Variants in ADGRL3 observed in about 807,000 individuals in gnomAD.
ADGRL3 encodes the protein calcium-independent alpha-latrotoxin receptor 3.
Under a neutral mutation model 153.5 loss-of-function variants are expected in ADGRL3, and 62 were observed. The ratio of observed to expected loss-of-function variants is 0.40; its 90% CI spans 0.33 to 0.50. ADGRL3 has a LOEUF of 0.50. Ranked by LOEUF, ADGRL3 falls within the 20% of genes least tolerant of loss-of-function variation. ADGRL3 has a pLI of 0.47. For missense variants in ADGRL3, 1,641 were observed against 1,859.4 expected, an observed-to-expected ratio of 0.88 and a Z score of 2.16; for synonymous variants, 710 against 672.5, an observed-to-expected ratio of 1.06 and a Z score of -0.86.
intron 9 of ADGRL3, among the ~76,000 whole-genome samples, chr4:61,859,067 T>G (rs1341675382): frequency 1.3e-5 from 2 of 152,196 alleles, no homozygotes; most frequent in Non-Finnish European, 2.9e-5. Flanking sequence ...TACATTAACT[T>G]TATAAAATAT....
intron 17 of ADGRL3, among the ~76,000 whole-genome samples, chr4:61,959,519 T>A (rs2098980085): frequency 6.6e-6 from 1 of 152,138 alleles, no homozygotes; most frequent in African/African-American, 2.4e-5. Context: ...TATTTGTTGT[T>A]TAAAGCCATT....
chr4:61,394,640 G>A (rs1476863773), intron 2 of ADGRL3, among the ~76,000 whole-genome samples: 2 of 151,846 alleles, frequency 1.3e-5, no homozygotes, highest in Non-Finnish European at 2.9e-5. Flanking sequence ...GTTTTCCCTT[G>A]ATTTCTAAAA....
intron 2 of ADGRL3, among the ~76,000 whole-genome samples, chr4:61,432,000 G>A (rs555584393): frequency 6.6e-6 from 1 of 152,208 alleles, no homozygotes; most frequent in Non-Finnish European, 1.5e-5. Context: ...ACCATTTGTA[G>A]TATTTATATT....
At chr4:61,507,434 G>A (rs929431637) in intron 3 of ADGRL3, among the ~76,000 whole-genome samples, 1 of 152,150 alleles carries the variant, frequency 6.6e-6, no homozygotes, top group East Asian at 1.9e-4. Flanking sequence ...AAAAGTAGGT[G>A]TCCAATAATA....
intron 4 of ADGRL3, among the ~76,000 whole-genome samples, chr4:61,568,949 G>T (rs2149097400): frequency 6.6e-6 from 1 of 152,230 alleles, no homozygotes; most frequent in East Asian, 1.9e-4. Flanking sequence ...GTTGCATAAT[G>T]AAGTCAGTTT....
chr4:61,516,063 A>G (rs1364331883), intron 3 of ADGRL3, among the ~76,000 whole-genome samples: 1 of 152,168 alleles, frequency 6.6e-6, no homozygotes, highest in Non-Finnish European at 1.5e-5. Context: ...TTTCGGGGCA[A>G]TGTCTCAGAC....
intron 4 of ADGRL3, among the ~76,000 whole-genome samples, chr4:61,576,756 G>C (rs970980082): frequency 1.1e-4 from 17 of 151,364 alleles, no homozygotes; most frequent in African/African-American, 4.1e-4. Flanking sequence ...TCAACTTCTA[G>C]TTGCTACAAA....
chr4:61,222,189 A>T (rs558944055), intron 1 of ADGRL3, among the ~76,000 whole-genome samples: 1 of 152,268 alleles, frequency 6.6e-6, no homozygotes, highest in Admixed American at 6.5e-5. Flanking sequence ...TCCAAATAGA[A>T]CACTGTGGTC....
chr4:61,255,047 C>T (rs1009344646), intron 1 of ADGRL3, among the ~76,000 whole-genome samples: 7 of 152,038 alleles, frequency 4.6e-5, no homozygotes, highest in African/African-American at 1.4e-4. Context: ...CAAACTAACT[C>T]AAATTGCAGC....
intron 5 of ADGRL3, among the ~76,000 whole-genome samples, chr4:61,616,934 C>T (rs2149773256): frequency 6.6e-6 from 1 of 152,122 alleles, no homozygotes; most frequent in Middle Eastern, 3.4e-3. Context: ...GGATTACAGG[C>T]AAGAGCCACT....
rs2151900682 is a variant in ADGRL3, at chr4:61,739,569, CTA to C, written c.1399+6017_1399+6018del. Among the ~76,000 whole-genome samples the C allele has an allele frequency of 2.0e-5, 3 of 152,252 alleles. No homozygotes were observed. In the South Asian group the frequency reaches 6.2e-4, roughly 32 times the overall value. On this transcript the variant is annotated intron_variant, in intron 8 of 26. Coordinates refer to ENST00000683033, the MANE Select transcript of ADGRL3 (RefSeq NM_001387552.1). ...TTGAATGATTAAATGGATAAATGGACTATGTTTTTTAAATCTGCTTTTTCAAG... is the reference window on the plus strand; with the variant it reads ...TTGAATGATTAAATGGATAAATGGACTGTTTTTTAAATCTGCTTTTTCAAG...
At chr4:61,852,470 A>G (rs977649936) in intron 9 of ADGRL3, among the ~76,000 whole-genome samples, 2 of 152,040 alleles carry the variant, frequency 1.3e-5, no homozygotes, top group Non-Finnish European at 2.9e-5. Flanking sequence ...ATGTGCCACC[A>G]TGCCTAGCTA....
chr4:61,963,395 T>C (rs2098995373), intron 17 of ADGRL3, among the ~76,000 whole-genome samples: 1 of 152,032 alleles, frequency 6.6e-6, no homozygotes. Flanking sequence ...TAGGTAGTTA[T>C]TCAGTCCTCA....
chr4:61,909,660 T>C lies in ADGRL3; in HGVS notation c.1988T>C (p.Met663Thr), dbSNP rs1256726958. 7 of 1,610,198 alleles carry C rather than the reference T, an allele frequency of 4.3e-6. No individual in the cohort carries two copies. Among genetic ancestry groups the C allele is most frequent in the South Asian group, 2.2e-5 (2 of 90,208 alleles). Reference protein sequence around the residue: ...AGDITYSVRAMDQLVGLLDVQ... With the variant: ...AGDITYSVRATDQLVGLLDVQ... The stretch of plus-strand genomic sequence containing the variant: ...GACATCACCTACTCTGTCCGGGCCA[T>C]GGACCAGCTGGTAGGCCTCCTAGAT... Residue 663 changes from methionine to threonine, a missense_variant, in exon 12 of 27, where the codon ATG (methionine) becomes ACG (threonine). Met to Thr is a moderately conservative substitution (Grantham distance 81). This residue lies in a region of ADGRL3 where 734 missense variants were observed against 797.0 expected (regional missense o/e 0.92). Transcript: ENST00000683033.
At chr4:61,315,683 A>C (rs2095183077) in intron 1 of ADGRL3, among the ~76,000 whole-genome samples, 1 of 152,106 alleles carries the variant, frequency 6.6e-6, no homozygotes, top group South Asian at 2.1e-4. Context: ...GAGTGTAGAG[A>C]CATAAAAGTA....
chr4:61,656,847 T>G (rs1221705955), intron 5 of ADGRL3, among the ~76,000 whole-genome samples: 1 of 152,178 alleles, frequency 6.6e-6, no homozygotes, highest in Non-Finnish European at 1.5e-5. Context: ...ATTTTAGATG[T>G]CCATTTGGAC....
At chr4:61,692,281 G>A (rs74774112) in intron 6 of ADGRL3, among the ~76,000 whole-genome samples, 2,577 of 151,962 alleles carry the variant, frequency 0.017, 70 homozygotes, top group African/African-American at 0.059. Context: ...GCTTGTCCAA[G>A]TTGGCAATTC....
chr4:61,809,252 TAAAG>T (rs1472122819), intron 8 of ADGRL3, among the ~76,000 whole-genome samples: 1 of 152,162 alleles, frequency 6.6e-6, no homozygotes, highest in African/African-American at 2.4e-5. Flanking sequence ...TGGTTTTACT[TAAAG>T]AAGAAAGTTG....
At position 61,257,649 on chromosome 4, in the gene ADGRL3, C is replaced by A. The variant is rs376136103; in HGVS notation, c.-240+55884C>A. 1.5e-3 allele frequency among the ~76,000 whole-genome samples: 221 copies of A among 152,102 alleles called. 5 individuals carry two copies. In the South Asian group the frequency reaches 0.043, roughly 29 times the overall value. ...AGATAAATATTAAAATTCAACTCCC[C>A]CCAAAACCCAATATGGATGTGTTTT... On this transcript the variant is annotated intron_variant, in intron 1 of 26. Transcript: ENST00000683033.
Sources: gnomAD v4.1 joint callset for allele counts (sites outside exome capture counted in the v4.1 genomes callset) on GRCh38, gnomAD v4.1.1 for gene constraint, gnomAD v4.1.1 regional missense constraint, MANE v1.5 for transcripts, NCBI Gene and HGNC (gene_info 2026-07-23, HGNC 2026-07-21) for gene names.